The following CCSER1 variants were observed in gnomAD, a reference collection of about 807,000 sequenced individuals.
CCSER1 encodes the protein coiled-coil serine rich protein 1, also known as serine-rich coiled-coil domain-containing protein 1.
In CCSER1, 41 loss-of-function variants were observed where a neutral mutation model predicts 82.0. The observed-to-expected ratio is 0.50, with a 90% confidence interval of 0.39 to 0.65. CCSER1 has a LOEUF of 0.65. Among genes scored for constraint, CCSER1 ranks in the 30% least tolerant of loss-of-function variants. CCSER1 has a pLI of 0.00. For synonymous variants in CCSER1, 414 were observed against 383.9 expected (o/e 1.08, Z -0.92); for missense variants, 1,119 against 1,064.2 (o/e 1.05, Z -0.72).
chr4:90,803,252 G>A (rs1757054908), intron 7 of CCSER1, among the ~76,000 whole-genome samples: 1 of 152,062 alleles, frequency 6.6e-6, no homozygotes, highest in Admixed American at 6.5e-5. Flanking sequence ...TGGGGTACAT[G>A]TGCAGAACAT....
chr4:90,162,438 A>C (rs1729627484), intron 1 of CCSER1, among the ~76,000 whole-genome samples: 1 of 152,258 alleles, frequency 6.6e-6, no homozygotes, highest in African/African-American at 2.4e-5. Context: ...TCACCAAATA[A>C]GTATATAAAA....
At chr4:90,785,820 T>C (rs1253563897) in intron 7 of CCSER1, among the ~76,000 whole-genome samples, 2 of 152,230 alleles carry the variant, frequency 1.3e-5, no homozygotes, top group East Asian at 1.9e-4. Context: ...AAAATGAGTA[T>C]TGCTTTTCTA....
intron 7 of CCSER1, among the ~76,000 whole-genome samples, chr4:90,741,666 T>C (rs1001989949): frequency 6.6e-5 from 10 of 152,354 alleles, no homozygotes; most frequent in Admixed American, 5.2e-4. Flanking sequence ...TACTCATTTT[T>C]ATTGTTTTTT....
intron 10 of CCSER1, among the ~76,000 whole-genome samples, chr4:91,148,964 T>G (rs1208298920): frequency 6.6e-6 from 1 of 152,132 alleles, no homozygotes; most frequent in Non-Finnish European, 1.5e-5. Flanking sequence ...TGTGTCTTTA[T>G]AGCAGCATGA....
chr4:91,511,984 T>C (rs905253640), intron 10 of CCSER1, among the ~76,000 whole-genome samples: 1 of 152,156 alleles, frequency 6.6e-6, no homozygotes, highest in African/African-American at 2.4e-5. Context: ...GGATTACTGA[T>C]CTATAATTAC....
chr4:90,752,977 A>G (rs987100212), intron 7 of CCSER1, among the ~76,000 whole-genome samples: 8 of 152,136 alleles, frequency 5.3e-5, no homozygotes, highest in Admixed American at 2.0e-4. Flanking sequence ...TCATATAAAA[A>G]TGAAAAATAA....
Position 91,582,551 on chromosome 4 carries a change from G to A in CCSER1, c.2218-16021G>A, listed in dbSNP as rs139592906. Among the ~76,000 whole-genome samples, 255 of 151,570 alleles carry A rather than the reference G, an allele frequency of 1.7e-3. 2 individuals carry two copies. Among genetic ancestry groups the A allele is most frequent in the African/African-American group, 5.9e-3 (244 of 41,436 alleles). On this transcript the variant is annotated intron_variant, in intron 10 of 10. Transcript: ENST00000509176. ...TTGATCGATGTGCATCATGTAGTCCGATTATGGAATGCTACCTCTTTTGTG... is the reference window on the plus strand; with the variant it reads ...TTGATCGATGTGCATCATGTAGTCCAATTATGGAATGCTACCTCTTTTGTG...
chr4:90,308,828 C>T lies in CCSER1; in HGVS notation c.544C>T (p.Pro182Ser). The T allele has an allele frequency of 1.9e-6, 3 of 1,613,704 alleles. No homozygotes were observed. Among genetic ancestry groups the T allele is most frequent in the Non-Finnish European group, 2.5e-6 (3 of 1,179,784 alleles). Residue 182 changes from proline to serine, a missense_variant, in exon 2 of 11, where the codon CCT becomes TCT. Pro to Ser is a moderately conservative substitution (Grantham distance 74). Transcript: ENST00000509176. ...TAAGCAGTCAACAAGGAAGCTACTC[C>T]CTAAATCTTTTTCATCTCACTATAA... ...SVKQSTRKLLPKSFSSHYKFS... is the reference protein window; with the variant it reads ...SVKQSTRKLLSKSFSSHYKFS...
chr4:90,641,024 C>T (rs1257915839), intron 6 of CCSER1, among the ~76,000 whole-genome samples: 1 of 152,130 alleles, frequency 6.6e-6, no homozygotes, highest in Non-Finnish European at 1.5e-5. Flanking sequence ...TGCCTAATCT[C>T]TCCGTGGAAA....
chr4:90,937,449 C>G (rs748576199), intron 9 of CCSER1, among the ~76,000 whole-genome samples: 9 of 149,394 alleles, frequency 6.0e-5, no homozygotes, highest in Non-Finnish European at 1.2e-4. Context: ...TGCAAACACA[C>G]AGCTTACGTC....
chr4:90,390,618 CT>C (rs1332416325), intron 3 of CCSER1, among the ~76,000 whole-genome samples: 1 of 152,142 alleles, frequency 6.6e-6, no homozygotes, highest in Non-Finnish European at 1.5e-5. Context: ...TGCTTTTGTC[CT>C]TTTTTATGGC....
At chr4:90,343,968 A>G (rs971190902) in intron 3 of CCSER1, among the ~76,000 whole-genome samples, 4 of 152,082 alleles carry the variant, frequency 2.6e-5, no homozygotes, top group African/African-American at 7.2e-5. Flanking sequence ...GCTATCAAAT[A>G]CTAGGTCTTA....
chr4:91,007,033 T>C (rs951337395), intron 9 of CCSER1, among the ~76,000 whole-genome samples: 8 of 152,194 alleles, frequency 5.3e-5, no homozygotes. Flanking sequence ...TTGAAATAAT[T>C]GTATGTTTTT....
chr4:90,893,883 C>T (rs928908289), intron 8 of CCSER1, among the ~76,000 whole-genome samples: 1 of 151,150 alleles, frequency 6.6e-6, no homozygotes, highest in African/African-American at 2.4e-5. Flanking sequence ...AACTCATTTC[C>T]CGTGTTAAAT....
chr4:90,403,623 C>T (rs367656418), intron 4 of CCSER1, among the ~76,000 whole-genome samples: 95 of 151,156 alleles, frequency 6.3e-4, no homozygotes, highest in African/African-American at 1.7e-3. Flanking sequence ...AAAAGAACAG[C>T]GATTTTCAAA....
At chr4:90,822,572 C>T (rs1318979451) in intron 8 of CCSER1, among the ~76,000 whole-genome samples, 1 of 151,784 alleles carries the variant, frequency 6.6e-6, no homozygotes, top group Non-Finnish European at 1.5e-5. Context: ...ACTAAAAATA[C>T]AAAACATTAG....
chr4:91,405,695 C>T (rs1047064152), intron 10 of CCSER1, among the ~76,000 whole-genome samples: 3 of 152,170 alleles, frequency 2.0e-5, no homozygotes, highest in East Asian at 1.9e-4. Context: ...GATATAATCT[C>T]CTGGTGTGCC....
intron 5 of CCSER1, among the ~76,000 whole-genome samples, chr4:90,585,305 T>TG (rs1252312419): frequency 4.6e-5 from 7 of 152,290 alleles, no homozygotes; most frequent in African/African-American, 1.7e-4. Flanking sequence ...GGAAAACTAT[T>TG]GGAGTTCTCA....
intron 10 of CCSER1, among the ~76,000 whole-genome samples, chr4:91,105,040 C>T (rs1162370083): frequency 6.6e-6 from 1 of 152,132 alleles, no homozygotes; most frequent in Non-Finnish European, 1.5e-5. Context: ...TTCTCATCAT[C>T]CACCTACCTC....
Sources: allele counts gnomAD v4.1 joint callset (sites outside exome capture counted in the v4.1 genomes callset), GRCh38; gene constraint gnomAD v4.1.1; transcripts MANE v1.5; gene names NCBI Gene and HGNC (gene_info 2026-07-23, HGNC 2026-07-21).